SYNPR: variants seen among roughly 807,000 people sequenced by gnomAD.
SYNPR encodes the protein synaptoporin.
Under a neutral mutation model 32.9 loss-of-function variants are expected in SYNPR, and 23 were observed. That is an observed-to-expected ratio of 0.70 (90% CI 0.50 to 0.99). The LOEUF (loss-of-function observed/expected upper bound fraction) is 0.99. Among genes scored for constraint, SYNPR ranks in the 50% least tolerant of loss-of-function variants. The pLI is 0.00. For synonymous variants in SYNPR, 146 were observed against 135.9 expected (o/e 1.07, Z -0.52); for missense variants, 318 against 349.3 (o/e 0.91, Z 0.71).
intron 4 of SYNPR, among the ~76,000 whole-genome samples, chr3:63,575,442 C>T (rs1199267386): frequency 1.3e-5 from 2 of 152,070 alleles, no homozygotes; most frequent in Admixed American, 1.3e-4. Flanking sequence ...CATTAGCCCC[C>T]CTCAGTCACC....
At chr3:63,498,428 C>A (rs1209293201) in intron 3 of SYNPR, among the ~76,000 whole-genome samples, 1 of 152,058 alleles carries the variant, frequency 6.6e-6, no homozygotes, top group Non-Finnish European at 1.5e-5. Flanking sequence ...AGAAAATAAA[C>A]AAGCAAACGA....
Position 63,547,283 on chromosome 3 carries a change from CTT to C in SYNPR, c.210-9256_210-9255del, listed in dbSNP as rs367626568. 2.7e-3 allele frequency among the ~76,000 whole-genome samples: 416 copies of C among 152,226 alleles called. 1 individual carries two copies. Among genetic ancestry groups the C allele is most frequent in the African/African-American group, 8.9e-3 (368 of 41,562 alleles). ...CCCTTTGCAAACTGAAGACATCAAA[CTT>C]TTTCTTAACTTAAGCAACCTGAGTC... On this transcript the variant is annotated intron_variant, in intron 3 of 5. Transcript: ENST00000478300.
intron 2 of SYNPR, among the ~76,000 whole-genome samples, chr3:63,334,238 T>G (rs1053546686): frequency 5.3e-5 from 8 of 152,190 alleles, no homozygotes; most frequent in Admixed American, 1.3e-4. Flanking sequence ...GGCAAATCTA[T>G]GTGCTTGTAA....
chr3:63,595,850 T>G (rs1699947335), intron 4 of SYNPR, among the ~76,000 whole-genome samples: 1 of 81,526 alleles, frequency 1.2e-5, no homozygotes, highest in African/African-American at 4.7e-5. Flanking sequence ...TATAGTTTTA[T>G]ATATATATAG....
At chr3:63,417,447 G>T (rs2088556745) in intron 2 of SYNPR, among the ~76,000 whole-genome samples, 1 of 152,310 alleles carries the variant, frequency 6.6e-6, no homozygotes, top group Non-Finnish European at 1.5e-5. Context: ...GCTGTCATTG[G>T]ATCTACCACT....
intron 4 of SYNPR, among the ~76,000 whole-genome samples, chr3:63,559,101 A>T (rs551952438): frequency 7.1e-6 from 1 of 140,422 alleles, no homozygotes; most frequent in East Asian, 2.0e-4. Flanking sequence ...ACAGGATCTT[A>T]CTGTCACCCA....
chr3:63,609,002 T>A, intron 4 of SYNPR, 123 bp from the exon 5 acceptor site: 1 of 736,722 alleles, frequency 1.4e-6, no homozygotes, highest in South Asian at 2.4e-5. Flanking sequence ...TTTTCCTTGT[T>A]TCCAGTGCTA....
At chr3:63,515,250 G>A (rs1701773761) in intron 3 of SYNPR, among the ~76,000 whole-genome samples, 2 of 151,790 alleles carry the variant, frequency 1.3e-5, no homozygotes, top group African/African-American at 4.8e-5. Flanking sequence ...ATTTCTATGT[G>A]GCTACTCTTC....
chr3:63,591,230 A>G (rs1703295271), intron 4 of SYNPR, among the ~76,000 whole-genome samples: 1 of 136,258 alleles, frequency 7.3e-6, no homozygotes, highest in Admixed American at 7.0e-5. Context: ...TGGCCATCAG[A>G]GAAATGCAAA....
chr3:63,452,204 G>GT, intron 2 of SYNPR: 1 of 617,586 alleles, frequency 1.6e-6, no homozygotes, highest in South Asian at 1.9e-5. Context: ...CAGCCACTGG[G>GT]TGCCGGGTTA....
At chr3:63,583,539 G>C (rs1159808248) in intron 4 of SYNPR, among the ~76,000 whole-genome samples, 3 of 152,102 alleles carry the variant, frequency 2.0e-5, no homozygotes, top group Non-Finnish European at 4.4e-5. Context: ...TAATGAGTTA[G>C]TCCAGTAAGT....
At chr3:63,283,024 G>A (rs1461023804) in intron 2 of SYNPR, among the ~76,000 whole-genome samples, 1 of 152,200 alleles carries the variant, frequency 6.6e-6, no homozygotes, top group Non-Finnish European at 1.5e-5. Context: ...TCAGAAGGGT[G>A]TAATTTGAGA....
At chr3:63,286,844 G>A (rs1367395832) in intron 2 of SYNPR, among the ~76,000 whole-genome samples, 4 of 152,264 alleles carry the variant, frequency 2.6e-5, no homozygotes, top group African/African-American at 9.6e-5. Context: ...GCATGAAAAA[G>A]TGTTTAGCAA....
chr3:63,255,582 T>C (rs2086375015), intron 2 of SYNPR, among the ~76,000 whole-genome samples: 2 of 152,188 alleles, frequency 1.3e-5, no homozygotes, highest in African/African-American at 4.8e-5. Flanking sequence ...ATTCCATCAG[T>C]GGCAGAGGTG....
At chr3:63,527,192 A>T (rs1393692010) in intron 3 of SYNPR, among the ~76,000 whole-genome samples, 1 of 152,170 alleles carries the variant, frequency 6.6e-6, no homozygotes, top group African/African-American at 2.4e-5. Context: ...AAATGATCAC[A>T]GGACATTCTG....
In SYNPR at chr3:63,386,631, T is replaced by TTCCTTCCTTCCTTC. The variant is rs1560212989; in HGVS notation, c.85-94201_85-94200insTCCTTCCTTCCTTC. ...TCCTTCCTTCCTTCCTTCCTTCCTT[T>TTCCTTCCTTCCTTC]CTTTATTTTCCCTCCTTAGCACACA... On this transcript the variant is annotated intron_variant, in intron 2 of 5. Transcript: ENST00000478300. Among the ~76,000 whole-genome samples, 366 of 79,130 alleles carry TTCCTTCCTTCCTTC rather than the reference T, an allele frequency of 4.6e-3. 3 individuals are homozygous for TTCCTTCCTTCCTTC. Among genetic ancestry groups the TTCCTTCCTTCCTTC allele is most frequent in the African/African-American group, 0.023 (344 of 14,926 alleles). 51.9% of individuals were successfully genotyped at this position (79,130 alleles called of 152,430 possible).
intron 2 of SYNPR, among the ~76,000 whole-genome samples, chr3:63,392,464 T>A (rs1019408766): frequency 6.6e-6 from 1 of 152,186 alleles, no homozygotes; most frequent in African/African-American, 2.4e-5. Flanking sequence ...TTATGGAATT[T>A]TGTTATCTTT....
chr3:63,374,344 A>C (rs1196031943), intron 2 of SYNPR, among the ~76,000 whole-genome samples: 3 of 152,132 alleles, frequency 2.0e-5, no homozygotes, highest in African/African-American at 7.2e-5. Context: ...AATCACATTT[A>C]TTCTCACTGC....
At chr3:63,430,536 C>A (rs992156319) in intron 2 of SYNPR, among the ~76,000 whole-genome samples, 1 of 152,152 alleles carries the variant, frequency 6.6e-6, no homozygotes, top group African/African-American at 2.4e-5. Context: ...AAAAGCACCT[C>A]CTAGACCTTT....
Sources: allele counts gnomAD v4.1 joint callset (sites outside exome capture counted in the v4.1 genomes callset), GRCh38; gene constraint gnomAD v4.1.1; transcripts MANE v1.5; gene names NCBI Gene and HGNC (gene_info 2026-07-23, HGNC 2026-07-21).